PHACTR2: variants seen among roughly 807,000 people sequenced by gnomAD.
The protein encoded by PHACTR2 is chromosome 6 open reading frame 56.
PHACTR2 carries 30 observed loss-of-function variants against 76.0 expected under a neutral mutation model. That is an observed-to-expected ratio of 0.39 (90% CI 0.30 to 0.54). The LOEUF (loss-of-function observed/expected upper bound fraction) is 0.54. PHACTR2 is among the 20% of genes least tolerant of loss of function. The probability of loss-of-function intolerance (pLI) is 0.61; values close to 1 mark genes in which losing one functional copy is unlikely to be tolerated. For synonymous variants in PHACTR2, 292 were observed against 292.5 expected, an observed-to-expected ratio of 1.00 and a Z score of 0.02; for missense variants, 696 against 781.1, an observed-to-expected ratio of 0.89 and a Z score of 1.30.
rs1000624240 is a variant in PHACTR2, at chr6:143,672,578, A to C, written c.14-39438A>C. ...AATTCAGGAAGCACTTCACAATCTT[A>C]GGGCACCTTCAGAATGAATGAGCAC... is the stretch of plus-strand genomic sequence containing the variant. On this transcript the variant is annotated intron_variant, in intron 1 of 11. Transcript: ENST00000305766. This position sits in a 1 kb window ranked among gnomAD's most constrained non-coding sequence, Gnocchi z 5.8. 1.2e-4 allele frequency among the ~76,000 whole-genome samples: 19 copies of C among 152,216 alleles called. No homozygotes were observed. The highest frequency in any genetic ancestry group is 1.2e-3 in the Admixed American group (19 of 15,282).
chr6:143,735,779 C>T (rs765279414), intron 2 of PHACTR2, among the ~76,000 whole-genome samples: 7 of 152,098 alleles, frequency 4.6e-5, no homozygotes, highest in Admixed American at 2.0e-4. Flanking sequence ...CTAAAAAGTT[C>T]AAATTAGTTA....
chr6:143,586,795 G>A (rs1775635699), intron 1 of PHACTR2, among the ~76,000 whole-genome samples: 1 of 152,216 alleles, frequency 6.6e-6, no homozygotes, highest in Admixed American at 6.5e-5. Flanking sequence ...CCTGGTGGGA[G>A]TGTCTAATTG....
chr6:143,545,859 C>T (rs186695567), intron 1 of PHACTR2, among the ~76,000 whole-genome samples: 13 of 152,258 alleles, frequency 8.5e-5, no homozygotes, highest in East Asian at 5.8e-4. Context: ...AGTCAATGGT[C>T]GTCTACTTTA....
At chr6:143,660,820 A>T (rs1276312764) in intron 1 of PHACTR2, among the ~76,000 whole-genome samples, 1 of 152,234 alleles carries the variant, frequency 6.6e-6, no homozygotes. Flanking sequence ...TAGGAGAAGT[A>T]CAGGCCAGAT....
chr6:143,735,230 T>C (rs1778789160), intron 2 of PHACTR2, among the ~76,000 whole-genome samples: 1 of 152,146 alleles, frequency 6.6e-6, no homozygotes, highest in Admixed American at 6.6e-5. Context: ...AAAGTATAAG[T>C]GTTTACTTAG....
rs939706107 is a variant in PHACTR2, at chr6:143,738,684, A to G, written c.215-10301A>G. Among the ~76,000 whole-genome samples, 1 of 151,952 alleles carries G rather than the reference A, an allele frequency of 6.6e-6. No homozygotes were observed. The highest frequency in any genetic ancestry group is 2.4e-5 in the African/African-American group (1 of 41,382). ...GGTGAGAGGATGGCTTGAGCCCGGG[A>G]GGCGGAGGCTGCAGTGAGCCAAGAT... On this transcript the variant is annotated intron_variant, in intron 2 of 12. Coordinates refer to ENST00000440869, the MANE Select transcript of PHACTR2 (RefSeq NM_001100164.2). This position sits in a 1 kb window ranked among gnomAD's most constrained non-coding sequence, Gnocchi z 4.0.
rs1190039194 is a variant in PHACTR2, at chr6:143,702,773, CTTTTTTT to C, written c.47-9223_47-9217del. Among the ~76,000 whole-genome samples, 327 of 100,128 alleles carry C rather than the reference CTTTTTTT, an allele frequency of 3.3e-3. 9 individuals carry two copies. In the East Asian group the frequency reaches 0.049, roughly 15 times the overall value. 65.7% of individuals were successfully genotyped at this position (100,128 alleles called of 152,430 possible). On this transcript the variant is annotated intron_variant, in intron 1 of 12. Transcript: ENST00000440869. ...ATGCATTGTAAGAATATATATACAACTTTTTTTTTTTTTTTTTTTTTTTTTTACAGAA... is the reference window on the plus strand; with the variant it reads ...ATGCATTGTAAGAATATATATACAACTTTTTTTTTTTTTTTTTTTACAGAA...
At position 143,791,583 on chromosome 6, in the gene PHACTR2, T is replaced by C. The variant is rs566189557; in HGVS notation, c.1845+2673T>C. Among the ~76,000 whole-genome samples, 106 of 152,344 alleles carry C rather than the reference T, an allele frequency of 7.0e-4. No individual in the cohort carries two copies. The highest frequency in any genetic ancestry group is 2.4e-3 in the African/African-American group (101 of 41,572). On this transcript the variant is annotated intron_variant, in intron 11 of 12. Coordinates refer to ENST00000440869, the MANE Select transcript of PHACTR2 (RefSeq NM_001100164.2). The surrounding 1 kb of genome is among the most constrained non-coding windows in gnomAD (Gnocchi z 4.7). The stretch of plus-strand genomic sequence containing the variant: ...GTTTGAGGGTGTGCAAATTTTCCTG[T>C]AAGATCAATCTTGCTAGTTCTATTC...
chr6:143,595,348 C>A lies in PHACTR2; in HGVS notation c.217+58141C>A, dbSNP rs1156734767. ...TAAAGGTAACTTTATTTCCAGCATTCGACCAAAATGCAGGGATTTGGGCCA... is the reference window on the plus strand; with the variant it reads ...TAAAGGTAACTTTATTTCCAGCATTAGACCAAAATGCAGGGATTTGGGCCA... On this transcript the variant is annotated intron_variant, in intron 1 of 11. Coordinates refer to the PHACTR2 transcript ENST00000367584. This position sits in a 1 kb window ranked among gnomAD's most constrained non-coding sequence, Gnocchi z 4.2. Among the ~76,000 whole-genome samples, 3 of 152,174 alleles carry A rather than the reference C, an allele frequency of 2.0e-5. No individual in the cohort carries two copies. Among genetic ancestry groups the A allele is most frequent in the African/African-American group, 7.2e-5 (3 of 41,442 alleles).
In PHACTR2 at chr6:143,688,245, G is replaced by A. The variant is rs376879339; in HGVS notation, c.46+10036G>A. Among the ~76,000 whole-genome samples, 4 of 151,836 alleles carry A rather than the reference G, an allele frequency of 2.6e-5. No individual in the cohort carries two copies. The highest frequency in any genetic ancestry group is 4.8e-5 in the African/African-American group (2 of 41,410). ...GCCTCCGGAGATGAGTTGGCCTGCC[G>A]CATGCAGTATAGATTTCATGGGGAG... is the stretch of plus-strand genomic sequence containing the variant. On this transcript the variant is annotated intron_variant, in intron 1 of 12. Coordinates refer to ENST00000440869, the MANE Select transcript of PHACTR2 (RefSeq NM_001100164.2). The surrounding 1 kb of genome is among the most constrained non-coding windows in gnomAD (Gnocchi z 5.2).
chr6:143,626,023 G>A (rs1030743873), intron 1 of PHACTR2, among the ~76,000 whole-genome samples: 1 of 152,186 alleles, frequency 6.6e-6, no homozygotes, highest in African/African-American at 2.4e-5. Context: ...AACCTTCTTT[G>A]ATCAGTTTGG....
chr6:143,735,522 T>A (rs981504004), intron 2 of PHACTR2, among the ~76,000 whole-genome samples: 3 of 152,208 alleles, frequency 2.0e-5, no homozygotes, highest in African/African-American at 7.2e-5. Flanking sequence ...CACATCGTTG[T>A]GCAACAGACC....
chr6:143,727,936 C>T (rs1212091852), intron 2 of PHACTR2, among the ~76,000 whole-genome samples: 5 of 152,118 alleles, frequency 3.3e-5, no homozygotes, highest in Non-Finnish European at 7.3e-5. Context: ...TGGAACAAGA[C>T]AAGGATGCCC....
upstream of PHACTR2, among the ~76,000 whole-genome samples, chr6:143,604,902 A>G (rs946540222): frequency 2.0e-5 from 3 of 151,426 alleles, no homozygotes; most frequent in Non-Finnish European, 4.4e-5. Context: ...AAAAAAAAAA[A>G]AGAGAAAAAA....
Position 143,624,948 on chromosome 6 carries a change from G to C in PHACTR2, c.13+16626G>C, listed in dbSNP as rs1345567467. ...AGGCGGGCGGATCATTTGAGGTCAG[G>C]AGTACAAGACCAGCCTGGTCAACAT... On this transcript the variant is annotated intron_variant, in intron 1 of 11. Transcript: ENST00000305766. This position sits in a 1 kb window ranked among gnomAD's most constrained non-coding sequence, Gnocchi z 4.6. Among the ~76,000 whole-genome samples the C allele has an allele frequency of 2.0e-5, 3 of 152,050 alleles. No individual in the cohort carries two copies. The highest frequency in any genetic ancestry group is 7.2e-5 in the African/African-American group (3 of 41,394).
chr6:143,787,164 C>T lies in PHACTR2; in HGVS notation c.1708-1609C>T, dbSNP rs1224641731. Among the ~76,000 whole-genome samples, 1 of 152,228 alleles carries T rather than the reference C, an allele frequency of 6.6e-6. No homozygotes were observed. Among genetic ancestry groups the T allele is most frequent in the East Asian group, 1.9e-4 (1 of 5,192 alleles). On this transcript the variant is annotated intron_variant, in intron 10 of 12. Coordinates refer to ENST00000440869, the MANE Select transcript of PHACTR2 (RefSeq NM_001100164.2). This position sits in a 1 kb window ranked among gnomAD's most constrained non-coding sequence, Gnocchi z 4.6. ...ACCCACTTGCCTCCACCATACATAGCTCCATGCCGTAGGTGCAGGTCAGCC... is the reference window on the plus strand; with the variant it reads ...ACCCACTTGCCTCCACCATACATAGTTCCATGCCGTAGGTGCAGGTCAGCC...
chr6:143,661,014 T>A (rs1302331441), intron 1 of PHACTR2, among the ~76,000 whole-genome samples: 1 of 152,184 alleles, frequency 6.6e-6, no homozygotes, highest in Non-Finnish European at 1.5e-5. Flanking sequence ...AGCTGTGAAG[T>A]AAAGTCTCAC....
At position 143,765,106 on chromosome 6, in the gene PHACTR2, G is replaced by A. The variant is rs1275598742; in HGVS notation, c.695-155G>A. 6.6e-6 allele frequency among the ~76,000 whole-genome samples: 1 copy of A among 152,150 alleles called. No homozygotes were observed. Among genetic ancestry groups the A allele is most frequent in the Non-Finnish European group, 1.5e-5 (1 of 68,026 alleles). The stretch of plus-strand genomic sequence containing the variant: ...GGAGGAAGGGAGGGGCAGAAGACAA[G>A]ACTATTATCATGATTAGCCTATTTT... On this transcript the variant is annotated intron_variant, in intron 5 of 12. Transcript: ENST00000440869. This position sits in a 1 kb window ranked among gnomAD's most constrained non-coding sequence, Gnocchi z 4.1.
chr6:143,567,079 G>A (rs139021531), intron 1 of PHACTR2, among the ~76,000 whole-genome samples: 12 of 152,198 alleles, frequency 7.9e-5, no homozygotes, highest in East Asian at 1.9e-4. Context: ...TACACGTCGC[G>A]CTCCTTTCTG....
Sources: gnomAD v4.1 joint callset for allele counts (sites outside exome capture counted in the v4.1 genomes callset) on GRCh38, gnomAD v4.1.1 for gene constraint, Gnocchi (gnomAD v3.1) non-coding constraint, MANE v1.5 for transcripts, NCBI Gene and HGNC (gene_info 2026-07-23, HGNC 2026-07-21) for gene names.